MYO5B: variants seen among roughly 807,000 people sequenced by gnomAD.
MYO5B encodes unconventional myosin-Vb.
In MYO5B, 143 loss-of-function variants were observed where a neutral mutation model predicts 229.3. The observed-to-expected ratio is 0.62, with a 90% confidence interval of 0.54 to 0.72. MYO5B has a LOEUF of 0.72. Ranked by LOEUF, MYO5B falls within the 30% of genes least tolerant of loss-of-function variation. The pLI is 0.00. For synonymous variants in MYO5B, 918 were observed against 885.2 expected, an observed-to-expected ratio of 1.04 and a Z score of -0.66; for missense variants, 2,321 against 2,331.0, an observed-to-expected ratio of 1.00 and a Z score of 0.09.
At position 49,878,987 on chromosome 18, in the gene MYO5B, C is replaced by T. The variant is rs1466195839; in HGVS notation, c.3234G>A (p.Glu1078=). The T allele has an allele frequency of 6.2e-7, 1 of 1,614,176 alleles. No individual in the cohort carries two copies. Among genetic ancestry groups the T allele is most frequent in the Non-Finnish European group, 8.5e-7 (1 of 1,180,032 alleles). Residue 1078 remains glutamate, a synonymous_variant, in exon 24 of 40, where the codon GAG becomes GAA. Coordinates refer to ENST00000285039, the MANE Select transcript of MYO5B (RefSeq NM_001080467.3). ...QNLVKEYSQL[E]QRYDNLRDEM... ...CATCCCGAAGGTTGTCGTATCTCTG[C>T]TCCAACTGTGAATATTCCTTCACAA...
intron 1 of MYO5B, among the ~76,000 whole-genome samples, chr18:50,124,779 A>T (rs1405913197): frequency 6.6e-6 from 1 of 150,470 alleles, no homozygotes; most frequent in Non-Finnish European, 1.5e-5. Flanking sequence ...ACCCCGCTTG[A>T]TCATTTTGAA....
intron 1 of MYO5B, among the ~76,000 whole-genome samples, chr18:50,125,958 T>C (rs1364716786): frequency 2.6e-5 from 4 of 152,148 alleles, no homozygotes; most frequent in Admixed American, 6.5e-5. Context: ...GGCAAATCCA[T>C]AGAGACAGAA....
intron 4 of MYO5B, among the ~76,000 whole-genome samples, chr18:50,021,190 C>T (rs2026270339): frequency 6.6e-6 from 1 of 152,186 alleles, no homozygotes; most frequent in African/African-American, 2.4e-5. Flanking sequence ...CACACAGGGC[C>T]TCCGAGGAGA....
At chr18:49,958,432 C>T (rs1373201262) in intron 12 of MYO5B, among the ~76,000 whole-genome samples, 1 of 152,222 alleles carries the variant, frequency 6.6e-6, no homozygotes, top group Non-Finnish European at 1.5e-5. Context: ...TCAGCAGATG[C>T]CTCGTCTCTT....
chr18:50,084,771 C>T (rs943658789), intron 1 of MYO5B, among the ~76,000 whole-genome samples: 3 of 152,172 alleles, frequency 2.0e-5, no homozygotes, highest in African/African-American at 7.2e-5. Flanking sequence ...ATATCTACAA[C>T]CATCTGATCT....
intron 22 of MYO5B, among the ~76,000 whole-genome samples, chr18:49,892,426 C>T (rs1279740947): frequency 6.6e-6 from 1 of 152,194 alleles, no homozygotes; most frequent in Non-Finnish European, 1.5e-5. Context: ...TCAGAGATGG[C>T]AAGCCCAGAG....
chr18:49,884,700 CCTGGACCACTA>C (rs2024624351), intron 22 of MYO5B, among the ~76,000 whole-genome samples: 5 of 152,106 alleles, frequency 3.3e-5, no homozygotes, highest in Admixed American at 3.3e-4. Context: ...CGGCCTGGTT[CCTGGACCACTA>C]CTGGTCCATG....
In MYO5B at chr18:49,990,510, T is replaced by C. The variant is rs752937470; in HGVS notation, c.767A>G (p.Glu256Gly). 6 of 1,613,518 alleles carry C rather than the reference T, an allele frequency of 3.7e-6. No individual in the cohort carries two copies. The highest frequency in any genetic ancestry group is 2.7e-5 in the African/African-American group (2 of 75,042). Residue 256 changes from glutamate to glycine, a missense_variant, in exon 7 of 40, where the codon GAG becomes GGG. Physicochemically the swap from Glu to Gly is moderately conservative, Grantham distance 98. Around this residue, in one of 2 missense-constraint regions of MYO5B, gnomAD observed 2,113 missense variants for 2,044.7 expected, o/e 1.03. Transcript: ENST00000285039. ...CTGGTAAAAGATGTGGTAATTCCTCTCATCATCTGCCTGGAGGAGGAAGAA... is the reference window on the plus strand; with the variant it reads ...CTGGTAAAAGATGTGGTAATTCCTCCCATCATCTGCCTGGAGGAGGAAGAA... ...KSRVVFQADD[E>G]RNYHIFYQLC...
rs965419129 is a variant in MYO5B at position 49,974,548 on chromosome 18, C to G, written c.1124G>C (p.Trp375Ser). Residue 375 changes from tryptophan (W) to serine (S), a missense_variant, in exon 10 of 40, where the codon TGG becomes TCG. Around this residue, in one of 2 missense-constraint regions of MYO5B, gnomAD observed 2,113 missense variants for 2,044.7 expected, o/e 1.03. Transcript: ENST00000285039. ...LGVEHSQMEH[W>S]LCHRKLVTTS... is the part of the protein sequence containing the mutation. Reference sequence around the variant, plus strand: ...GGTGACCAGCTTGCGATGACACAGCCAGTGCTCCATCTGACTGTGCTCCAC... The same window carrying G: ...GGTGACCAGCTTGCGATGACACAGCGAGTGCTCCATCTGACTGTGCTCCAC... 1 of 1,614,124 alleles carries G rather than the reference C, an allele frequency of 6.2e-7. No homozygotes were observed. Among genetic ancestry groups the G allele is most frequent in the Non-Finnish European group, 8.5e-7 (1 of 1,180,012 alleles).
intron 2 of MYO5B, among the ~76,000 whole-genome samples, chr18:50,046,156 G>C (rs1009488748): frequency 8.5e-5 from 13 of 152,208 alleles, no homozygotes; most frequent in Non-Finnish European, 1.8e-4. Flanking sequence ...TGTTGACCCA[G>C]AGGTGGAAAT....
At chr18:49,962,874 G>C in intron 11 of MYO5B, 75 bp downstream of exon 11, 1 of 1,262,094 alleles carries the variant, frequency 7.9e-7, no homozygotes, top group South Asian at 1.2e-5. Flanking sequence ...CTCAGAGGAA[G>C]AGAAGTGGCC....
chr18:49,904,794 C>G lies in MYO5B; in HGVS notation c.2449G>C (p.Val817Leu), dbSNP rs756031391. The change falls in exon 20 of 40, where the codon GTG becomes CTG. Residue 817 changes from valine to leucine, a missense_variant. Coordinates refer to ENST00000285039, the MANE Select transcript of MYO5B (RefSeq NM_001080467.3). ...ATGCGGTAATGTTTCTGGAGCACCA[C>G]AGCCGCTCTGATCCTCCGCAGGTGC... is the stretch of plus-strand genomic sequence containing the variant. ...AEHLRRIRAA[V>L]VLQKHYRMQR... is the part of the protein sequence containing the mutation. 1.2e-6 allele frequency: 2 copies of G among 1,614,044 alleles called. No individual in the cohort carries two copies. Among genetic ancestry groups the G allele is most frequent in the Admixed American group, 1.7e-5 (1 of 60,020 alleles).
At chr18:50,131,634 C>A (rs985074791) in intron 1 of MYO5B, among the ~76,000 whole-genome samples, 3 of 152,126 alleles carry the variant, frequency 2.0e-5, no homozygotes, top group Non-Finnish European at 4.4e-5. Context: ...GCAAGGTAGG[C>A]TGAATGGTGC....
intron 12 of MYO5B, among the ~76,000 whole-genome samples, chr18:49,956,895 T>C (rs1457221583): frequency 6.6e-6 from 1 of 151,932 alleles, no homozygotes; most frequent in African/African-American, 2.4e-5. Context: ...AGAAAGTAGA[T>C]TAGTGGTTGC....
intron 2 of MYO5B, among the ~76,000 whole-genome samples, chr18:50,054,277 G>A (rs2030483619): frequency 6.6e-6 from 1 of 152,240 alleles, no homozygotes; most frequent in South Asian, 2.1e-4. Flanking sequence ...GGCAGGAAGA[G>A]GATCACTTGA....
chr18:49,954,677 G>A (rs979080894), intron 12 of MYO5B, among the ~76,000 whole-genome samples: 6 of 152,192 alleles, frequency 3.9e-5, no homozygotes, highest in Non-Finnish European at 8.8e-5. Flanking sequence ...TGAGCCTGCT[G>A]GTTGGCAGAC....
chr18:49,848,302 G>A (rs1214379144), intron 32 of MYO5B, among the ~76,000 whole-genome samples: 1 of 151,796 alleles, frequency 6.6e-6, no homozygotes, highest in Non-Finnish European at 1.5e-5. Flanking sequence ...GGTGGGTGCT[G>A]ATGATGTGGG....
intron 4 of MYO5B, among the ~76,000 whole-genome samples, chr18:50,025,272 C>T (rs577889713): frequency 4.3e-4 from 65 of 152,342 alleles, no homozygotes; most frequent in African/African-American, 1.6e-3. Flanking sequence ...ACCTGCATAT[C>T]AGTGATACTA....
chr18:50,163,281 A>C (rs2144322847), intron 1 of MYO5B, among the ~76,000 whole-genome samples: 1 of 152,292 alleles, frequency 6.6e-6, no homozygotes, highest in Middle Eastern at 3.4e-3. Flanking sequence ...CCACCCTGAC[A>C]TACAGAACTT....
Sources: allele counts gnomAD v4.1 joint callset (sites outside exome capture counted in the v4.1 genomes callset), GRCh38; gene constraint gnomAD v4.1.1; regional missense constraint gnomAD v4.1.1; transcripts MANE v1.5; gene names NCBI Gene and HGNC (gene_info 2026-07-23, HGNC 2026-07-21).